Variants in KCNH1 observed in about 807,000 individuals in gnomAD.
The protein encoded by KCNH1 is voltage-gated delayed rectifier potassium channel KCNH1.
Under a neutral mutation model 69.2 loss-of-function variants are expected in KCNH1, and 27 were observed. The observed-to-expected ratio is 0.39, with a 90% CI of 0.29 to 0.54. The LOEUF (loss-of-function observed/expected upper bound fraction) is 0.54, where lower values mean the gene tolerates loss of function less well. KCNH1 is among the 20% of genes least tolerant of loss of function. The pLI is 0.68. For synonymous variants in KCNH1, 456 were observed against 487.7 expected (o/e 0.93, Z 0.86); for missense variants, 798 against 1,261.6 (o/e 0.63, Z 5.57).
At chr1:210,935,348 G>A (rs144405506) in intron 6 of KCNH1, among the ~76,000 whole-genome samples, 14 of 152,136 alleles carry the variant, frequency 9.2e-5, no homozygotes, top group South Asian at 2.1e-4. Flanking sequence ...CAAAAATAAC[G>A]GTTACTAGAG....
At chr1:210,921,987 C>T (rs1024228330) in intron 6 of KCNH1, among the ~76,000 whole-genome samples, 15 of 152,046 alleles carry the variant, frequency 9.9e-5, no homozygotes, top group Admixed American at 2.6e-4. Context: ...ATAAACCATA[C>T]GTAGCATAGC....
At chr1:211,076,445 T>A (rs918108035) in intron 5 of KCNH1, among the ~76,000 whole-genome samples, 1 of 152,212 alleles carries the variant, frequency 6.6e-6, no homozygotes, top group Non-Finnish European at 1.5e-5. Flanking sequence ...GCAGCCTCCA[T>A]TGGTGATATC....
rs532631044 is a variant in KCNH1, at chr1:210,976,663, C to T, written c.1032+42120G>A. 2.8e-4 allele frequency among the ~76,000 whole-genome samples: 42 copies of T among 147,500 alleles called. 1 individual carries two copies. The highest frequency in any genetic ancestry group is 8.4e-4 in the African/African-American group (34 of 40,324). On this transcript the variant is annotated intron_variant, in intron 6 of 10. Coordinates refer to ENST00000271751, the MANE Select transcript of KCNH1 (RefSeq NM_172362.3). The stretch of plus-strand genomic sequence containing the variant: ...AAAGACACATGCACATGTATGTTTA[C>T]TGCGGCACTATTCACAATAGCAAAG...
chr1:211,013,566 C>A (rs1370611788), intron 6 of KCNH1, among the ~76,000 whole-genome samples: 1 of 152,226 alleles, frequency 6.6e-6, no homozygotes, highest in African/African-American at 2.4e-5. Flanking sequence ...GAAGAGACAG[C>A]ATGACCCGCA....
At position 210,678,841 on chromosome 1, in the gene KCNH1, G is replaced by A. The variant is rs1037884039; in HGVS notation, c.*4440C>T. Reference sequence around the variant, plus strand: ...TCATTGAACAACTAATGGATCCGTCGGATGACTCAGAAGTCACAGATAAAG... The same window carrying A: ...TCATTGAACAACTAATGGATCCGTCAGATGACTCAGAAGTCACAGATAAAG... On this transcript the variant is annotated 3_prime_UTR_variant, in exon 11 of 11. Coordinates refer to ENST00000271751, the MANE Select transcript of KCNH1 (RefSeq NM_172362.3). 7 of 152,138 alleles carry A rather than the reference G, an allele frequency of 4.6e-5. No individual in the cohort carries two copies. Among genetic ancestry groups the A allele is most frequent in the African/African-American group, 1.2e-4 (5 of 41,410 alleles). 9.4% of individuals were successfully genotyped at this position (152,138 alleles called of 1,614,324 possible).
rs549675946 is a variant in KCNH1 at position 210,745,119 on chromosome 1, G to A, written c.2112+30229C>T. Among the ~76,000 whole-genome samples, 3 of 152,326 alleles carry A rather than the reference G, an allele frequency of 2.0e-5. No homozygotes were observed. The South Asian group carries it at 6.2e-4, about 32-fold the overall frequency. On this transcript the variant is annotated intron_variant, in intron 10 of 10. Coordinates refer to ENST00000271751, the MANE Select transcript of KCNH1 (RefSeq NM_172362.3). ...TCTGGAGGCTGGAGACACAAGAATC[G>A]CTTGAACGTGGGAGGCAGAAGTTGC... is the stretch of plus-strand genomic sequence containing the variant.
At chr1:211,131,780 T>A (rs1392806857) in intron 1 of KCNH1, among the ~76,000 whole-genome samples, 1 of 152,236 alleles carries the variant, frequency 6.6e-6, no homozygotes. Flanking sequence ...GAACCATTTA[T>A]TCTGAAATAA....
chr1:210,898,889 G>A (rs779348139), intron 7 of KCNH1, among the ~76,000 whole-genome samples: 10 of 152,230 alleles, frequency 6.6e-5, no homozygotes, highest in South Asian at 4.1e-4. Flanking sequence ...CTAAGCTGAA[G>A]AGAGCTGTCT....
At position 210,679,994 on chromosome 1, in the gene KCNH1, C is replaced by G. The variant is rs1023355900; in HGVS notation, c.*3287G>C. On this transcript the variant is annotated 3_prime_UTR_variant, in exon 11 of 11. Coordinates refer to ENST00000271751, the MANE Select transcript of KCNH1 (RefSeq NM_172362.3). ...TGAGTTGCATTAATTGTACACTAGA[C>G]AATTTGGTTTCTCAACCAAATGGTC... 1 of 148,140 alleles carries G rather than the reference C, an allele frequency of 6.8e-6. No homozygotes were observed. The highest frequency in any genetic ancestry group is 2.5e-5 in the African/African-American group (1 of 39,658). 9.2% of individuals were successfully genotyped at this position (148,140 alleles called of 1,614,324 possible).
At chr1:211,105,595 T>C (rs1691335670) in intron 2 of KCNH1, among the ~76,000 whole-genome samples, 1 of 150,968 alleles carries the variant, frequency 6.6e-6, no homozygotes, top group Non-Finnish European at 1.5e-5. Context: ...ATTCAATAAG[T>C]TGCTAAAAAC....
rs969000615 is a variant in KCNH1 at position 210,957,674 on chromosome 1, T to C, written c.1033-37605A>G. 3.0e-4 allele frequency among the ~76,000 whole-genome samples: 46 copies of C among 152,348 alleles called. 1 individual carries two copies. The highest frequency in any genetic ancestry group is 6.8e-3 in the Middle Eastern group (2 of 294). On this transcript the variant is annotated intron_variant, in intron 6 of 10. Coordinates refer to ENST00000271751, the MANE Select transcript of KCNH1 (RefSeq NM_172362.3). ...TTCTCTTTACCATTATGAAATGGCC[T>C]TCTTTATCTCTTTTGATCTTTTTTG... is the stretch of plus-strand genomic sequence containing the variant.
At chr1:210,981,676 G>C (rs573455809) in intron 6 of KCNH1, among the ~76,000 whole-genome samples, 1 of 152,116 alleles carries the variant, frequency 6.6e-6, no homozygotes, top group African/African-American at 2.4e-5. Flanking sequence ...CATCTGTACT[G>C]TCAAATGAAA....
At chr1:210,820,807 G>A (rs1684913310) in intron 7 of KCNH1, among the ~76,000 whole-genome samples, 1 of 152,090 alleles carries the variant, frequency 6.6e-6, no homozygotes, top group African/African-American at 2.4e-5. Context: ...GCAAGAGGCT[G>A]GAATGATGTG....
intron 10 of KCNH1, among the ~76,000 whole-genome samples, chr1:210,769,325 C>T (rs1330973070): frequency 6.6e-6 from 1 of 152,162 alleles, no homozygotes; most frequent in African/African-American, 2.4e-5. Flanking sequence ...CTTCTCTTCT[C>T]CAGAATAAAA....
intron 10 of KCNH1, among the ~76,000 whole-genome samples, chr1:210,772,122 A>G (rs1474501603): frequency 6.6e-6 from 1 of 152,222 alleles, no homozygotes; most frequent in Non-Finnish European, 1.5e-5. Flanking sequence ...TCTGGCTCCA[A>G]TTCTTTCATC....
intron 6 of KCNH1, among the ~76,000 whole-genome samples, chr1:210,947,814 G>C (rs1476216717): frequency 1.3e-5 from 2 of 152,140 alleles, no homozygotes; most frequent in African/African-American, 4.8e-5. Context: ...GGCTTTACTT[G>C]TTTGTTATCT....
intron 3 of KCNH1, among the ~76,000 whole-genome samples, chr1:211,092,746 T>G (rs996839964): frequency 1.3e-5 from 2 of 152,078 alleles, no homozygotes; most frequent in Non-Finnish European, 2.9e-5. Flanking sequence ...AAGTAAAGTG[T>G]CACAGCAATT....
chr1:211,114,388 A>G (rs1369399335), intron 1 of KCNH1, among the ~76,000 whole-genome samples: 2 of 152,150 alleles, frequency 1.3e-5, no homozygotes, highest in Non-Finnish European at 1.5e-5. Flanking sequence ...CCTCAACCAC[A>G]TTCCCTTTGC....
At chr1:210,776,039 G>T (rs1453831371) in intron 9 of KCNH1, among the ~76,000 whole-genome samples, 5 of 152,224 alleles carry the variant, frequency 3.3e-5, no homozygotes, top group East Asian at 3.9e-4. Context: ...GACTGTGGTG[G>T]GTCTATATTA....
Sources: allele counts gnomAD v4.1 joint callset (sites outside exome capture counted in the v4.1 genomes callset), GRCh38; gene constraint gnomAD v4.1.1; transcripts MANE v1.5; gene names NCBI Gene and HGNC (gene_info 2026-07-23, HGNC 2026-07-21).